The following KCNIP4 variants were observed in gnomAD, a reference collection of about 807,000 sequenced individuals.
KCNIP4 encodes the protein potassium voltage-gated channel interacting protein 4, also known as Kv channel-interacting protein 4.
In KCNIP4, 12 loss-of-function variants were observed where a neutral mutation model predicts 34.0. That is an observed-to-expected ratio of 0.35 (90% CI 0.23 to 0.57). KCNIP4 has a LOEUF of 0.57. KCNIP4 is among the 20% of genes least tolerant of loss of function. The pLI, the probability that KCNIP4 is intolerant of heterozygous loss-of-function variation, is 0.83. For missense variants in KCNIP4, 238 were observed against 311.7 expected (o/e 0.76, Z 1.78); for synonymous variants, 124 against 102.2 (o/e 1.21, Z -1.29).
Position 21,372,565 on chromosome 4 carries a change from C to T in KCNIP4, c.62-489856G>A, listed in dbSNP as rs1023122199. Among the ~76,000 whole-genome samples the T allele has an allele frequency of 1.1e-4, 16 of 146,992 alleles. 2 individuals are homozygous for T. The highest frequency in any genetic ancestry group is 4.4e-4 in the African/African-American group (16 of 36,776). Reference sequence around the variant, plus strand: ...GGTTTCTAAAAAGTCATCATAGATTCTACACTGTTTGGGAATACATAGCTA... The same window carrying T: ...GGTTTCTAAAAAGTCATCATAGATTTTACACTGTTTGGGAATACATAGCTA... On this transcript the variant is annotated intron_variant, in intron 1 of 8. Transcript: ENST00000382152.
intron 3 of KCNIP4, among the ~76,000 whole-genome samples, chr4:20,779,849 A>T (rs1428698065): frequency 6.6e-6 from 1 of 152,130 alleles, no homozygotes; most frequent in Non-Finnish European, 1.5e-5. Context: ...CTGCCAGAAG[A>T]GGAAGGAAAA....
At chr4:20,903,930 A>G (rs1025456020) in intron 1 of KCNIP4, among the ~76,000 whole-genome samples, 1 of 152,042 alleles carries the variant, frequency 6.6e-6, no homozygotes. Context: ...GCCCCACTCT[A>G]TTAGATTATC....
rs116253106 is a variant in KCNIP4 at position 21,275,799 on chromosome 4, G to A, written c.62-393090C>T. 5.9e-3 allele frequency among the ~76,000 whole-genome samples: 894 copies of A among 152,264 alleles called. 8 individuals carry two copies. The highest frequency in any genetic ancestry group is 0.021 in the African/African-American group (864 of 41,550). ...TGAACGTTGTAGAATTCCAATTGCG[G>A]AGGCTTTGCCTTCATGCATGAGGGT... On this transcript the variant is annotated intron_variant, in intron 1 of 8. Transcript: ENST00000382152.
At chr4:21,466,193 C>T (rs928165693) in intron 1 of KCNIP4, among the ~76,000 whole-genome samples, 2 of 152,144 alleles carry the variant, frequency 1.3e-5, no homozygotes, top group African/African-American at 2.4e-5. Flanking sequence ...GTATTAAAAT[C>T]CCAAAACCCT....
intron 5 of KCNIP4, among the ~76,000 whole-genome samples, chr4:20,746,350 C>T (rs557607209): frequency 6.6e-6 from 1 of 151,696 alleles, no homozygotes; most frequent in Admixed American, 6.6e-5. Flanking sequence ...GGAAGGGGAA[C>T]ATCACACACC....
chr4:21,347,510 G>A (rs1373718494), intron 1 of KCNIP4, among the ~76,000 whole-genome samples: 1 of 152,206 alleles, frequency 6.6e-6, no homozygotes, highest in Admixed American at 6.5e-5. Context: ...GAGAAATGTA[G>A]CTCCTTGTGA....
intron 1 of KCNIP4, among the ~76,000 whole-genome samples, chr4:21,481,792 T>A (rs1361491172): frequency 6.6e-6 from 1 of 152,130 alleles, no homozygotes; most frequent in Non-Finnish European, 1.5e-5. Flanking sequence ...TATCTGCTTA[T>A]GCACACATCT....
At chr4:21,408,515 T>C (rs758554940) in intron 1 of KCNIP4, among the ~76,000 whole-genome samples, 3 of 152,126 alleles carry the variant, frequency 2.0e-5, no homozygotes, top group Admixed American at 6.6e-5. Flanking sequence ...ACAGCTCCTG[T>C]GGTGTGAAGG....
chr4:21,928,108 C>CTATATATATATATATATATATA (rs144162392), intron 1 of KCNIP4, among the ~76,000 whole-genome samples: 2 of 142,754 alleles, frequency 1.4e-5, no homozygotes, highest in African/African-American at 2.5e-5. Flanking sequence ...CCAGATTAGA[C>CTATATATATATATATATATATA]TATATATATA....
intron 1 of KCNIP4, among the ~76,000 whole-genome samples, chr4:21,198,401 G>A (rs6448033): frequency 0.44 from 66,967 of 152,060 alleles, 16,983 homozygotes; most frequent in African/African-American, 0.71. Context: ...AATGATCAGG[G>A]TGATATGCAA....
chr4:21,282,163 T>C (rs1471116755), intron 1 of KCNIP4, among the ~76,000 whole-genome samples: 2 of 152,374 alleles, frequency 1.3e-5, no homozygotes, highest in East Asian at 3.9e-4. Context: ...AAATTTCAGT[T>C]AGTCACGTAG....
intron 1 of KCNIP4, among the ~76,000 whole-genome samples, chr4:21,306,917 G>A (rs1712531369): frequency 6.6e-6 from 1 of 151,836 alleles, no homozygotes; most frequent in Non-Finnish European, 1.5e-5. Flanking sequence ...CCGTCTCCTG[G>A]GTTCAAGCAA....
At chr4:21,515,457 C>T (rs561629830) in intron 1 of KCNIP4, among the ~76,000 whole-genome samples, 9 of 151,814 alleles carry the variant, frequency 5.9e-5, no homozygotes, top group African/African-American at 1.5e-4. Flanking sequence ...GTTAACACGG[C>T]GAAACCCCGT....
chr4:21,109,037 C>T (rs1382796558), intron 1 of KCNIP4, among the ~76,000 whole-genome samples: 3 of 149,674 alleles, frequency 2.0e-5, no homozygotes, highest in Non-Finnish European at 4.5e-5. Context: ...TTAGGCTGCT[C>T]GGGGGTCAGG....
chr4:21,256,351 C>T (rs888643833), intron 1 of KCNIP4, among the ~76,000 whole-genome samples: 3 of 149,634 alleles, frequency 2.0e-5, no homozygotes, highest in South Asian at 2.1e-4. Context: ...GCCCACATTC[C>T]GGGATGATGG....
chr4:21,365,751 A>T (rs929701156), intron 1 of KCNIP4, among the ~76,000 whole-genome samples: 1 of 152,164 alleles, frequency 6.6e-6, no homozygotes, highest in African/African-American at 2.4e-5. Context: ...AATAGAAAAT[A>T]TACAGATTAG....
Position 20,805,912 on chromosome 4 carries a change from G to A in KCNIP4, c.288+44631C>T, listed in dbSNP as rs534576221. On this transcript the variant is annotated intron_variant, in intron 3 of 8. Coordinates refer to ENST00000382152, the MANE Select transcript of KCNIP4 (RefSeq NM_025221.6). ...TTCTTGAAGTCATGTAAATGTACTA[G>A]GGTATGTTTAATGTTGACCATATGA... Among the ~76,000 whole-genome samples the A allele has an allele frequency of 3.3e-5, 5 of 152,204 alleles. No homozygotes were observed. In the South Asian group the frequency reaches 8.3e-4, roughly 25 times the overall value.
intron 1 of KCNIP4, among the ~76,000 whole-genome samples, chr4:21,864,317 T>C (rs1354700923): frequency 6.6e-6 from 1 of 152,254 alleles, no homozygotes; most frequent in Non-Finnish European, 1.5e-5. Flanking sequence ...TAGATTATTT[T>C]ATTTATTATC....
chr4:20,984,149 T>C (rs945583213), intron 1 of KCNIP4: 6 of 594,704 alleles, frequency 1.0e-5, no homozygotes, highest in Non-Finnish European at 1.7e-5. Flanking sequence ...CTGGCGGGGC[T>C]TCCCCCCTGC....
Sources: gnomAD v4.1 joint callset for allele counts (sites outside exome capture counted in the v4.1 genomes callset) on GRCh38, gnomAD v4.1.1 for gene constraint, MANE v1.5 for transcripts, NCBI Gene and HGNC (gene_info 2026-07-23, HGNC 2026-07-21) for gene names.